The following RCL1 variants were observed in gnomAD, a reference collection of about 807,000 sequenced individuals.
RCL1 encodes the protein RNA terminal phosphate cyclase like 1.
Under a neutral mutation model 42.4 loss-of-function variants are expected in RCL1, and 24 were observed. That is an observed-to-expected ratio of 0.57 (90% CI 0.41 to 0.80). The LOEUF is 0.80. Among genes scored for constraint, RCL1 ranks in the 30% least tolerant of loss-of-function variants. The pLI is 0.00. For synonymous variants in RCL1, 228 were observed against 177.3 expected, an observed-to-expected ratio of 1.29 and a Z score of -2.27; for missense variants, 578 against 467.9, an observed-to-expected ratio of 1.24 and a Z score of -2.17.
intron 7 of RCL1, among the ~76,000 whole-genome samples, chr9:4,847,665 T>C (rs1466755624): frequency 6.6e-6 from 1 of 152,234 alleles, no homozygotes; most frequent in Non-Finnish European, 1.5e-5. Context: ...TCTTCACTCA[T>C]GTGCACAGAG....
intron 3 of RCL1, among the ~76,000 whole-genome samples, chr9:4,828,582 A>T (rs943158046): frequency 9.3e-5 from 14 of 149,806 alleles, no homozygotes; most frequent in African/African-American, 3.4e-4. Flanking sequence ...AGACTATAGG[A>T]AATGAGTTCT....
At chr9:4,827,200 C>G in intron 3 of RCL1, 167 bp downstream of exon 3, 1 of 1,538,396 alleles carries the variant, frequency 6.5e-7, no homozygotes, top group Non-Finnish European at 8.8e-7. Context: ...GCAGATGAAC[C>G]AAAACTTAGG....
rs528378994 is a variant in RCL1, at chr9:4,819,856, A to T, written c.137-3692A>T. ...ACTTTATCAACTTTACCACTACTCA[A>T]TATATCCATGTAATACAACTACACT... On this transcript the variant is annotated intron_variant, in intron 1 of 8. Coordinates refer to ENST00000381750, the MANE Select transcript of RCL1 (RefSeq NM_005772.5). 1.1e-4 allele frequency among the ~76,000 whole-genome samples: 17 copies of T among 152,320 alleles called. 3 individuals are homozygous for T. In the South Asian group the frequency reaches 3.5e-3, roughly 32 times the overall value.
intron 6 of RCL1, among the ~76,000 whole-genome samples, chr9:4,841,861 T>G (rs1817342251): frequency 6.6e-6 from 1 of 152,174 alleles, no homozygotes; most frequent in Admixed American, 6.5e-5. Context: ...TTTTAAAAAT[T>G]AGAAAAAAAT....
chr9:4,811,619 A>G (rs996564305), intron 1 of RCL1, among the ~76,000 whole-genome samples: 8 of 152,234 alleles, frequency 5.3e-5, no homozygotes, highest in Admixed American at 4.6e-4. Flanking sequence ...ATAGCTAAAC[A>G]GTATTCCGTT....
At chr9:4,837,188 A>C (rs1817168251) in intron 5 of RCL1, among the ~76,000 whole-genome samples, 1 of 152,156 alleles carries the variant, frequency 6.6e-6, no homozygotes, top group African/African-American at 2.4e-5. Context: ...TGCCTTTTCT[A>C]CTTGAATTCA....
intron 1 of RCL1, among the ~76,000 whole-genome samples, chr9:4,806,052 G>T (rs866986170): frequency 1.4e-5 from 2 of 146,638 alleles, no homozygotes. Flanking sequence ...GTGTTTGTGT[G>T]TGTGTGTGTG....
intron 7 of RCL1, among the ~76,000 whole-genome samples, chr9:4,849,037 G>T (rs1326754032): frequency 6.6e-6 from 1 of 151,920 alleles, no homozygotes; most frequent in African/African-American, 2.4e-5. Context: ...CAATAAATAT[G>T]AGCGTCATCC....
intron 3 of RCL1, among the ~76,000 whole-genome samples, chr9:4,832,941 A>G (rs466172): frequency 0.73 from 110,909 of 151,918 alleles, 42,491 homozygotes; most frequent in East Asian, 0.92. Flanking sequence ...CATGTCATGA[A>G]TGAGGAAAGT....
chr9:4,802,342 C>G (rs1156872382), intron 1 of RCL1, among the ~76,000 whole-genome samples: 1 of 152,050 alleles, frequency 6.6e-6, no homozygotes, highest in Non-Finnish European at 1.5e-5. Flanking sequence ...GTTCCTTTGC[C>G]TTTCAATATA....
At chr9:4,815,722 C>T (rs1209631686) in intron 1 of RCL1, among the ~76,000 whole-genome samples, 1 of 151,938 alleles carries the variant, frequency 6.6e-6, no homozygotes, top group Non-Finnish European at 1.5e-5. Context: ...TAGCGCAGGC[C>T]ACAGGGAGCT....
At chr9:4,822,334 G>C (rs1432872424) in intron 1 of RCL1, among the ~76,000 whole-genome samples, 1 of 152,216 alleles carries the variant, frequency 6.6e-6, no homozygotes, top group African/African-American at 2.4e-5. Flanking sequence ...AGTGGCAGAA[G>C]AGTTAGTCTT....
At position 4,792,974 on chromosome 9, in the gene RCL1, G is replaced by A; in HGVS notation, c.-118G>A. ...ACGTGGACGCGTCTGGGCTGCTGGA[G>A]GCAGCCCGAGCCGCCGCCGTCGGTG... On this transcript the variant is annotated 5_prime_UTR_variant, in exon 1 of 9. Coordinates refer to ENST00000381750, the MANE Select transcript of RCL1 (RefSeq NM_005772.5). 8.5e-7 allele frequency: 1 copy of A among 1,170,826 alleles called. No individual in the cohort carries two copies. Among genetic ancestry groups the A allele is most frequent in the Non-Finnish European group, 1.2e-6 (1 of 846,512 alleles). 72.5% of individuals were successfully genotyped at this position (1,170,826 alleles called of 1,614,324 possible).
chr9:4,837,924 T>G (rs1817192688), intron 5 of RCL1, among the ~76,000 whole-genome samples: 1 of 152,188 alleles, frequency 6.6e-6, no homozygotes, highest in Admixed American at 6.5e-5. Context: ...CCAGGAGAGT[T>G]GACACAGTGC....
chr9:4,800,299 C>T (rs887326888), intron 1 of RCL1, among the ~76,000 whole-genome samples: 3 of 152,112 alleles, frequency 2.0e-5, no homozygotes, highest in African/African-American at 7.2e-5. Flanking sequence ...ACTGCACCCT[C>T]CCACTCCCGG....
chr9:4,813,245 A>G (rs996225135), intron 1 of RCL1, among the ~76,000 whole-genome samples: 6 of 152,196 alleles, frequency 3.9e-5, no homozygotes, highest in African/African-American at 1.4e-4. Flanking sequence ...CAGAGTGAAC[A>G]GGCAACCTAC....
chr9:4,847,900 C>T (rs1817576247), intron 7 of RCL1, among the ~76,000 whole-genome samples: 1 of 152,224 alleles, frequency 6.6e-6, no homozygotes, highest in African/African-American at 2.4e-5. Context: ...CTGCTCATCT[C>T]TCAAGGGCTG....
intron 6 of RCL1, among the ~76,000 whole-genome samples, chr9:4,844,241 G>A (rs1472494056): frequency 3.3e-5 from 5 of 152,144 alleles, no homozygotes; most frequent in Non-Finnish European, 5.9e-5. Context: ...TGCTGGGAAG[G>A]CCGCCACACC....
At chr9:4,828,546 G>GTTTT (rs35253567) in intron 3 of RCL1, among the ~76,000 whole-genome samples, 1 of 145,526 alleles carries the variant, frequency 6.9e-6, no homozygotes, top group African/African-American at 2.5e-5. Flanking sequence ...TTAATTAAGT[G>GTTTT]TTTTTTTTTT....
Sources: gnomAD v4.1 joint callset for allele counts (sites outside exome capture counted in the v4.1 genomes callset) on GRCh38, gnomAD v4.1.1 for gene constraint, MANE v1.5 for transcripts, NCBI Gene and HGNC (gene_info 2026-07-23, HGNC 2026-07-21) for gene names.